The following AMMECR1 variants were observed in gnomAD, a reference collection of about 807,000 sequenced individuals.
The protein encoded by AMMECR1 is AMMECR nuclear protein 1, also known as nuclear protein AMMECR1.
Under a neutral mutation model 22.5 loss-of-function variants are expected in AMMECR1, and 3 were observed. That is an observed-to-expected ratio of 0.13 (90% CI 0.06 to 0.35). AMMECR1 has a LOEUF of 0.35. Among genes scored for constraint, AMMECR1 ranks in the 10% least tolerant of loss-of-function variants. The pLI is 1.00. For missense variants in AMMECR1, 235 were observed against 278.7 expected, an observed-to-expected ratio of 0.84 and a Z score of 1.12; for synonymous variants, 130 against 116.7, an observed-to-expected ratio of 1.11 and a Z score of -0.74.
chrX:110,413,745 T>A, intron 2 of AMMECR1, among the ~76,000 whole-genome samples: 1 of 110,593 alleles, frequency 9.0e-6, no homozygotes, highest in Non-Finnish European at 1.9e-5. Context: ...CTCTCCAGTT[T>A]TTTGAGCCCC....
At position 110,343,799 on chromosome X, in the gene AMMECR1, C is replaced by T. The variant is rs749325420; in HGVS notation, c.-147-25950G>A. 1.7e-3 allele frequency among the ~76,000 whole-genome samples: 187 copies of T among 110,427 alleles called. 1 individual carries two copies. The East Asian group carries it at 0.043, about 25-fold the overall frequency. On this transcript the variant is annotated intron_variant, in intron 2 of 7. Transcript: ENST00000372057. ...TCCAACTTACAAGGGATGTGAAGGA[C>T]CTCTTCAAGGAGAACTACAAACCAC...
chrX:110,409,415 C>T (rs1180513093), intron 2 of AMMECR1, among the ~76,000 whole-genome samples: 1 of 111,698 alleles, frequency 9.0e-6, no homozygotes, highest in Non-Finnish European at 1.9e-5. Context: ...TTGCTGGTAT[C>T]AATCGTAGGG....
chrX:110,349,082 G>T (rs2068201658), intron 2 of AMMECR1, among the ~76,000 whole-genome samples: 1 of 111,811 alleles, frequency 8.9e-6, no homozygotes, highest in Non-Finnish European at 1.9e-5. Context: ...AATAATAGTT[G>T]CCATTTGTCC....
intron 2 of AMMECR1, among the ~76,000 whole-genome samples, chrX:110,330,626 T>G (rs2068117055): frequency 8.9e-6 from 1 of 112,209 alleles, no homozygotes; most frequent in South Asian, 3.7e-4. Flanking sequence ...TTTTATTATA[T>G]TTCACAGAAG....
chrX:110,218,393 A>G (rs901704863), intron 2 of AMMECR1, among the ~76,000 whole-genome samples: 6 of 110,873 alleles, frequency 5.4e-5, no homozygotes, highest in South Asian at 7.4e-4. Context: ...CATAACATAA[A>G]ATTACTATTT....
At chrX:110,292,715 T>C (rs1240472425) in intron 1 of AMMECR1, among the ~76,000 whole-genome samples, 1 of 111,986 alleles carries the variant, frequency 8.9e-6, no homozygotes, top group Non-Finnish European at 1.9e-5. Context: ...AATGAATAGG[T>C]AGAGCACAGA....
intron 2 of AMMECR1, among the ~76,000 whole-genome samples, chrX:110,385,953 C>T (rs1249070929): frequency 8.9e-6 from 1 of 112,078 alleles, no homozygotes; most frequent in Non-Finnish European, 1.9e-5. Context: ...GTATATATAT[C>T]AGAGCTTACT....
intron 2 of AMMECR1, among the ~76,000 whole-genome samples, chrX:110,412,295 T>A (rs2068646615): frequency 8.9e-6 from 1 of 112,536 alleles, no homozygotes; most frequent in Non-Finnish European, 1.9e-5. Flanking sequence ...TGCAAAATGC[T>A]CCATGTATAA....
intron 1 of AMMECR1, among the ~76,000 whole-genome samples, chrX:110,273,689 T>C (rs1461940699): frequency 1.8e-5 from 2 of 112,017 alleles, no homozygotes; most frequent in Non-Finnish European, 3.8e-5. Flanking sequence ...TTCATTCTTC[T>C]GCACATAGCT....
intron 2 of AMMECR1, among the ~76,000 whole-genome samples, chrX:110,259,782 G>A (rs924887859): frequency 4.6e-5 from 5 of 109,229 alleles, no homozygotes; most frequent in Non-Finnish European, 9.5e-5. Flanking sequence ...TAGTAGAGAC[G>A]GAGTTTCACC....
At chrX:110,274,682 C>G (rs975208865) in intron 1 of AMMECR1, among the ~76,000 whole-genome samples, 2 of 111,835 alleles carry the variant, frequency 1.8e-5, no homozygotes, top group Non-Finnish European at 3.8e-5. Flanking sequence ...TTTATGCAGC[C>G]TTTTAACTGG....
chrX:110,329,056 A>G (rs1441388240), intron 2 of AMMECR1, among the ~76,000 whole-genome samples: 1 of 112,310 alleles, frequency 8.9e-6, no homozygotes, highest in East Asian at 2.8e-4. Context: ...GTCTTCCACA[A>G]TGGTTGAACT....
At chrX:110,356,744 T>G (rs2068232375) in intron 2 of AMMECR1, among the ~76,000 whole-genome samples, 1 of 111,283 alleles carries the variant, frequency 9.0e-6, no homozygotes, top group Non-Finnish European at 1.9e-5. Flanking sequence ...GTAAGTATTA[T>G]CATATTTAAT....
chrX:110,386,833 T>A (rs2068458790), intron 2 of AMMECR1, among the ~76,000 whole-genome samples: 1 of 112,234 alleles, frequency 8.9e-6, no homozygotes, highest in Admixed American at 9.4e-5. Context: ...TGTGGGGGAA[T>A]AAGACCTAAC....
chrX:110,241,790 C>CA lies in AMMECR1; in HGVS notation c.584+22698dup, dbSNP rs761797062. ...GCCCCTGAGGTTATAGACCGACACACAAAAAAAACAAACATAATAAAAAGC... is the reference window on the plus strand; with the variant it reads ...GCCCCTGAGGTTATAGACCGACACACAAAAAAAAACAAACATAATAAAAAGC... On this transcript the variant is annotated intron_variant, in intron 2 of 5. Coordinates refer to ENST00000262844, the MANE Select transcript of AMMECR1 (RefSeq NM_015365.3). 4.0e-3 allele frequency among the ~76,000 whole-genome samples: 441 copies of CA among 109,947 alleles called. 2 individuals are homozygous for CA. The highest frequency in any genetic ancestry group is 0.014 in the African/African-American group (416 of 30,223).
chrX:110,240,566 C>T lies in AMMECR1; in HGVS notation c.584+23923G>A, dbSNP rs749835612. ...ATATATGCACCCAATACAGGACCAC[C>T]GAGATTCATAAAGCAAGTCCTTAGA... On this transcript the variant is annotated intron_variant, in intron 2 of 5. Transcript: ENST00000262844. Among the ~76,000 whole-genome samples the T allele has an allele frequency of 1.0e-4, 11 of 109,206 alleles. No homozygotes were observed. The East Asian group carries it at 1.7e-3, about 17-fold the overall frequency. 94.8% of individuals were successfully genotyped at this position (109,206 alleles called of 115,157 possible). A position where few individuals can be genotyped will look rare whatever the true frequency, so the allele number is the denominator to read the frequency against.
chrX:110,200,152 C>T (rs758105371), intron 5 of AMMECR1, among the ~76,000 whole-genome samples: 66 of 111,764 alleles, frequency 5.9e-4, no homozygotes, highest in Non-Finnish European at 1.0e-3. Flanking sequence ...AAACCCAGCC[C>T]CCAGCTGACC....
At chrX:110,253,548 AT>A (rs1246072356) in intron 2 of AMMECR1, among the ~76,000 whole-genome samples, 1 of 113,151 alleles carries the variant, frequency 8.8e-6, no homozygotes, top group Non-Finnish European at 1.9e-5. Context: ...TTTTAAAAAA[AT>A]ATGTGCTTTT....
intron 2 of AMMECR1, among the ~76,000 whole-genome samples, chrX:110,425,980 G>GCACA (rs72103134): frequency 9.1e-6 from 1 of 109,434 alleles, no homozygotes. Flanking sequence ...GTGCGTGCGC[G>GCACA]CACACACACA....
Sources: gnomAD v4.1 joint callset for allele counts (sites outside exome capture counted in the v4.1 genomes callset) on GRCh38, gnomAD v4.1.1 for gene constraint, MANE v1.5 for transcripts, NCBI Gene and HGNC (gene_info 2026-07-23, HGNC 2026-07-21) for gene names.